The following MTUS2 variants were observed in gnomAD, a reference collection of about 807,000 sequenced individuals.
The protein encoded by MTUS2 is microtubule associated scaffold protein 2.
A neutral mutation model predicts 114.1 loss-of-function variants in MTUS2; 40 were observed. That is an observed-to-expected ratio of 0.35 (90% confidence interval 0.27 to 0.46). The LOEUF is 0.46. MTUS2 is among the 20% of genes least tolerant of loss of function. The pLI, the probability that MTUS2 is intolerant of heterozygous loss-of-function variation, is 1.00. For synonymous variants in MTUS2, 688 were observed against 672.0 expected, an observed-to-expected ratio of 1.02 and a Z score of -0.37; for missense variants, 1,679 against 1,705.4, an observed-to-expected ratio of 0.98 and a Z score of 0.27.
At chr13:29,163,238 G>A (rs1311355460) in intron 5 of MTUS2, among the ~76,000 whole-genome samples, 1 of 152,158 alleles carries the variant, frequency 6.6e-6, no homozygotes, top group African/African-American at 2.4e-5. Flanking sequence ...AAAATGGGCT[G>A]CTGTTTATTT....
At chr13:29,333,427 C>A (rs530427971) in intron 7 of MTUS2, among the ~76,000 whole-genome samples, 1 of 151,978 alleles carries the variant, frequency 6.6e-6, no homozygotes, top group Admixed American at 6.5e-5. Flanking sequence ...TAACACCCTA[C>A]CTCAGGTGAT....
At chr13:29,335,584 A>G (rs765520976) in intron 7 of MTUS2, among the ~76,000 whole-genome samples, 12 of 152,138 alleles carry the variant, frequency 7.9e-5, no homozygotes, top group Non-Finnish European at 1.6e-4. Context: ...GCATCATGGA[A>G]CCTGCCAACA....
chr13:29,145,077 T>C (rs1338208449), intron 5 of MTUS2, among the ~76,000 whole-genome samples: 1 of 152,256 alleles, frequency 6.6e-6, no homozygotes, highest in African/African-American at 2.4e-5. Flanking sequence ...GGGCTGCCCT[T>C]ATTAAATTGC....
At position 28,891,580 on chromosome 13, in the gene MTUS2, T is replaced by C. The variant is rs1003972938; in HGVS notation, c.-243+51730T>C. ...AATGTGCTGAAAGGAGAAGATGAAA[T>C]AAATAAGAATAACAACAGGCTGGGC... On this transcript the variant is annotated intron_variant, in intron 2 of 15. Coordinates refer to ENST00000612955, the MANE Select transcript of MTUS2 (RefSeq NM_001033602.4). 2.6e-5 allele frequency among the ~76,000 whole-genome samples: 4 copies of C among 151,626 alleles called. 1 individual carries two copies. The Middle Eastern group carries it at 9.5e-3, about 360-fold the overall frequency.
At chr13:29,285,055 T>A (rs1279488822) in intron 6 of MTUS2, among the ~76,000 whole-genome samples, 1 of 151,550 alleles carries the variant, frequency 6.6e-6, no homozygotes. Context: ...TGAAAGGACC[T>A]ATGGGGTCAA....
intron 8 of MTUS2, among the ~76,000 whole-genome samples, chr13:29,433,732 T>G (rs1211748923): frequency 6.6e-6 from 1 of 152,210 alleles, no homozygotes; most frequent in Non-Finnish European, 1.5e-5. Context: ...AAGAGAGTGT[T>G]TTCCTATGAA....
At chr13:29,078,651 C>G (rs1889303737) in intron 4 of MTUS2, among the ~76,000 whole-genome samples, 1 of 152,140 alleles carries the variant, frequency 6.6e-6, no homozygotes, top group African/African-American at 2.4e-5. Context: ...TCCCTCAAGC[C>G]CCAGTTCTGG....
chr13:28,944,506 A>G (rs866939067), intron 2 of MTUS2, among the ~76,000 whole-genome samples: 3 of 152,322 alleles, frequency 2.0e-5, no homozygotes, highest in Middle Eastern at 3.4e-3. Flanking sequence ...AATGTTTCCC[A>G]TTCTTTGTGA....
chr13:29,191,811 T>G (rs1894462402), intron 5 of MTUS2, among the ~76,000 whole-genome samples: 1 of 152,224 alleles, frequency 6.6e-6, no homozygotes, highest in African/African-American at 2.4e-5. Context: ...GCTAACATTA[T>G]ATAGTAGTTG....
intron 2 of MTUS2, among the ~76,000 whole-genome samples, chr13:28,918,035 TTATTGA>T (rs1431591912): frequency 4.6e-5 from 7 of 151,790 alleles, no homozygotes; most frequent in African/African-American, 7.2e-5. Context: ...AAGTCTTCTG[TTATTGA>T]TATTAAGTTT....
At chr13:29,257,951 C>G (rs1218169850) in intron 5 of MTUS2, among the ~76,000 whole-genome samples, 1 of 152,206 alleles carries the variant, frequency 6.6e-6, no homozygotes, top group African/African-American at 2.4e-5. Context: ...ACAGTCTTGT[C>G]CCTCTCCTGC....
intron 8 of MTUS2, among the ~76,000 whole-genome samples, chr13:29,428,400 C>T (rs1282160531): frequency 6.6e-6 from 1 of 152,246 alleles, no homozygotes; most frequent in Non-Finnish European, 1.5e-5. Flanking sequence ...CCGCTCCAGG[C>T]GTGTCTGCGC....
At chr13:29,250,620 T>C (rs763410893) in intron 5 of MTUS2, 8 of 151,868 alleles carry the variant, frequency 5.3e-5, no homozygotes, top group Non-Finnish European at 1.2e-4. Context: ...CACCTTTTTG[T>C]CCACTCTCCG....
intron 5 of MTUS2, among the ~76,000 whole-genome samples, chr13:29,256,569 A>G (rs1897290441): frequency 1.3e-5 from 2 of 152,236 alleles, no homozygotes; most frequent in Admixed American, 6.5e-5. Flanking sequence ...GTCTGCACAT[A>G]TAGCTGGCAC....
chr13:29,485,726 G>A (rs1001177313), intron 10 of MTUS2, among the ~76,000 whole-genome samples: 7 of 152,246 alleles, frequency 4.6e-5, no homozygotes, highest in Non-Finnish European at 1.0e-4. Context: ...CAAACACAGT[G>A]TAGTACTGCC....
In MTUS2 at chr13:29,100,827, C is replaced by G. The variant is rs1340966114; in HGVS notation, c.2501C>G (p.Ser834Cys). ...SNAAKSNLPK[S>C]GLRPPGYSRL... ...GCTGCAAAATCCAATCTCCCGAAAT[C>G]TGGTCTCCGTCCTCCCGGATACTCA... is the stretch of plus-strand genomic sequence containing the variant. Residue 834 changes from serine to cysteine, a missense_variant, in exon 5 of 16, where the codon TCT becomes TGT. Physicochemically the swap from Ser to Cys is moderately radical, Grantham distance 112 (BLOSUM62 -1). Coordinates refer to ENST00000612955, the MANE Select transcript of MTUS2 (RefSeq NM_001033602.4). 1.9e-6 allele frequency: 3 copies of G among 1,551,640 alleles called. No homozygotes were observed. The highest frequency in any genetic ancestry group is 1.4e-5 in the African/African-American group (1 of 73,058).
At chr13:29,185,677 A>G (rs1012475052) in intron 5 of MTUS2, among the ~76,000 whole-genome samples, 47 of 152,342 alleles carry the variant, frequency 3.1e-4, no homozygotes, top group Non-Finnish European at 6.6e-4. Flanking sequence ...CAAGAATTCT[A>G]TATCCAGCAA....
chr13:29,501,923 A>G (rs1013885901), intron 15 of MTUS2, among the ~76,000 whole-genome samples: 3 of 152,190 alleles, frequency 2.0e-5, no homozygotes, highest in Admixed American at 6.5e-5. Flanking sequence ...ATATACTCAT[A>G]CAATCCCTCA....
rs573856706 is a variant in MTUS2 at position 29,181,216 on chromosome 13, G to A, written c.2644+80246G>A. On this transcript the variant is annotated intron_variant, in intron 5 of 15. Coordinates refer to ENST00000612955, the MANE Select transcript of MTUS2 (RefSeq NM_001033602.4). ...ACTGGAACATCTGTTCCTTAGTACC[G>A]ACTGTGTAACCCTATCAGCCACTGG... is the stretch of plus-strand genomic sequence containing the variant. Among the ~76,000 whole-genome samples the A allele has an allele frequency of 6.8e-5, 7 of 102,400 alleles. No individual in the cohort carries two copies. In the East Asian group the frequency reaches 1.0e-3, roughly 15 times the overall value. The allele number at this position is 102,400 out of a possible 152,430, so 67.2% of individuals were successfully genotyped here.
Sources: gnomAD v4.1 joint callset for allele counts (sites outside exome capture counted in the v4.1 genomes callset) on GRCh38, gnomAD v4.1.1 for gene constraint, MANE v1.5 for transcripts, NCBI Gene and HGNC (gene_info 2026-07-23, HGNC 2026-07-21) for gene names.